CEP57L1: variants seen among roughly 807,000 people sequenced by gnomAD.
CEP57L1 encodes the protein centrosomal protein CEP57L1.
CEP57L1 carries 37 observed loss-of-function variants against 61.0 expected under a neutral mutation model. The ratio of observed to expected loss-of-function variants is 0.61; its 90% CI spans 0.47 to 0.80. The LOEUF is 0.80. Among genes scored for constraint, CEP57L1 ranks in the 30% least tolerant of loss-of-function variants. The pLI, the probability that CEP57L1 is intolerant of heterozygous loss-of-function variation, is 0.00. For synonymous variants in CEP57L1, 137 were observed against 162.3 expected, an observed-to-expected ratio of 0.84 and a Z score of 1.19; for missense variants, 422 against 524.7, an observed-to-expected ratio of 0.80 and a Z score of 1.91.
At chr6:109,162,393 T>C (rs978404427) in intron 10 of CEP57L1, among the ~76,000 whole-genome samples, 1 of 152,072 alleles carries the variant, frequency 6.6e-6, no homozygotes, top group Non-Finnish European at 1.5e-5. Context: ...TTTCCCTCAA[T>C]CTCTGCAGCC....
intron 1 of CEP57L1, among the ~76,000 whole-genome samples, chr6:109,120,538 T>G (rs1457260687): frequency 6.6e-6 from 1 of 152,190 alleles, no homozygotes; most frequent in Non-Finnish European, 1.5e-5. Flanking sequence ...AGAAAAATTT[T>G]ACTTTCATTT....
At chr6:109,106,479 A>C (rs1267063462) in intron 1 of CEP57L1, among the ~76,000 whole-genome samples, 2 of 152,032 alleles carry the variant, frequency 1.3e-5, no homozygotes, top group African/African-American at 2.4e-5. Flanking sequence ...GAAACTCAAT[A>C]CTTTTCATTT....
chr6:109,155,860 A>G lies in CEP57L1; in HGVS notation c.727A>G (p.Lys243Glu). 1 of 1,577,432 alleles carries G rather than the reference A, an allele frequency of 6.3e-7. No individual in the cohort carries two copies. Among genetic ancestry groups the G allele is most frequent in the Non-Finnish European group, 8.7e-7 (1 of 1,152,698 alleles). ...SVSNLKHSKE[K>E]KKSSKKTKCI... is the part of the protein sequence containing the mutation. Reference sequence around the variant, plus strand: ...TTCAAATCTAAAGCACTCCAAGGAAAAGAAGAAATCTTCAAAGGTGTGCAT... The same window carrying G: ...TTCAAATCTAAAGCACTCCAAGGAAGAGAAGAAATCTTCAAAGGTGTGCAT... The change falls in exon 7 of 11, where the codon AAG becomes GAG. Residue 243 changes from lysine to glutamate, a missense_variant. By Grantham distance (56) the Lys-to-Glu change is moderately conservative. Transcript: ENST00000517392.
intron 1 of CEP57L1, among the ~76,000 whole-genome samples, chr6:109,099,133 G>C (rs1254314333): frequency 6.6e-6 from 1 of 152,216 alleles, no homozygotes. Context: ...GAGATGTGGA[G>C]GTGGAGGAGG....
intron 3 of CEP57L1, among the ~76,000 whole-genome samples, chr6:109,147,252 A>G (rs1211911168): frequency 6.6e-6 from 1 of 152,094 alleles, no homozygotes; most frequent in Admixed American, 6.5e-5. Flanking sequence ...GTAATTGAAT[A>G]TTTATTTTTT....
At chr6:109,106,478 T>C (rs1226220411) in intron 1 of CEP57L1, among the ~76,000 whole-genome samples, 1 of 152,224 alleles carries the variant, frequency 6.6e-6, no homozygotes, top group East Asian at 1.9e-4. Context: ...TGAAACTCAA[T>C]ACTTTTCATT....
chr6:109,135,211 CAG>C (rs750177887), intron 1 of CEP57L1, among the ~76,000 whole-genome samples: 1 of 152,152 alleles, frequency 6.6e-6, no homozygotes, highest in Non-Finnish European at 1.5e-5. Context: ...TATACCAAAA[CAG>C]AGATATAGAC....
intron 1 of CEP57L1, among the ~76,000 whole-genome samples, chr6:109,128,265 T>C (rs946934650): frequency 6.6e-6 from 1 of 152,168 alleles, no homozygotes; most frequent in Non-Finnish European, 1.5e-5. Flanking sequence ...TTTTATATTA[T>C]TCCATATTTC....
At chr6:109,120,928 A>T (rs915003610) in intron 1 of CEP57L1, among the ~76,000 whole-genome samples, 1 of 103,510 alleles carries the variant, frequency 9.7e-6, no homozygotes, top group African/African-American at 2.9e-5. Context: ...ACACACACAC[A>T]CACACACACA....
In CEP57L1 at chr6:109,163,006, CA is replaced by C; in HGVS notation, c.*37del. 1 of 1,313,778 alleles carries C rather than the reference CA, an allele frequency of 7.6e-7. No individual in the cohort carries two copies. Among genetic ancestry groups the C allele is most frequent in the Non-Finnish European group, 1.1e-6 (1 of 913,338 alleles). The allele number at this position is 1,313,778 out of a possible 1,614,324, so 81.4% of individuals were successfully genotyped here. ...AAACTGTCACCTTAATGAACTTTGTCAGTGAGACCTTGAATTGTCTAAAGTG... is the reference window on the plus strand; with the variant it reads ...AAACTGTCACCTTAATGAACTTTGTCGTGAGACCTTGAATTGTCTAAAGTG... On this transcript the variant is annotated 3_prime_UTR_variant, in exon 11 of 11. Coordinates refer to ENST00000517392, the MANE Select transcript of CEP57L1 (RefSeq NM_001271852.3).
intron 7 of CEP57L1, chr6:109,157,504 T>C (rs917974093): frequency 1.3e-5 from 2 of 152,124 alleles, no homozygotes; most frequent in Admixed American, 6.5e-5. Context: ...CAAAGGAATA[T>C]GTGAAAGGTA....
intron 10 of CEP57L1, among the ~76,000 whole-genome samples, chr6:109,161,437 C>T (rs1253864555): frequency 6.6e-6 from 1 of 152,058 alleles, no homozygotes; most frequent in African/African-American, 2.4e-5. Context: ...CATCATGTAG[C>T]CATCTGGCTA....
rs1774389947 is a variant in CEP57L1, at chr6:109,171,255, T to TTTTTTTTTA, written c.*8285_*8286insTTTTTTTTA. 5.9e-5 allele frequency among the ~76,000 whole-genome samples: 9 copies of TTTTTTTTTA among 152,036 alleles called. No homozygotes were observed. The highest frequency in any genetic ancestry group is 2.1e-4 in the South Asian group (1 of 4,814). On this transcript the variant is annotated 3_prime_UTR_variant, in exon 11 of 11. Coordinates refer to ENST00000517392, the MANE Select transcript of CEP57L1 (RefSeq NM_001271852.3). ...AAGTAGAGTTTGATTTTTTTTTTTT[T>TTTTTTTTTA]GAGACGGAGTTTCGCTCTTGTTGCC...
intron 3 of CEP57L1, 146 bp from the exon 4 acceptor site, chr6:109,149,972 A>G (rs1453787441): frequency 5.1e-6 from 2 of 395,262 alleles, no homozygotes; most frequent in Non-Finnish European, 9.7e-6. Context: ...TTGATTTTGT[A>G]TCCTGAGACT....
intron 1 of CEP57L1, 111 bp downstream of exon 1, chr6:109,095,686 G>A: frequency 1.5e-6 from 1 of 666,806 alleles, no homozygotes; most frequent in Non-Finnish European, 1.9e-6. Flanking sequence ...CTTAGTCCAA[G>A]GACTTTTTCC....
At chr6:109,111,360 G>T (rs1441753420) in intron 1 of CEP57L1, among the ~76,000 whole-genome samples, 1 of 152,108 alleles carries the variant, frequency 6.6e-6, no homozygotes, top group Non-Finnish European at 1.5e-5. Flanking sequence ...TGTGATTTTT[G>T]TGCATTGATT....
At chr6:109,129,576 T>G (rs1773955660) in intron 1 of CEP57L1, 2 of 454,364 alleles carry the variant, frequency 4.4e-6, no homozygotes. Flanking sequence ...CAACCTGTTC[T>G]CTAGTTTCCA....
At chr6:109,112,977 G>A (rs559150112) in intron 1 of CEP57L1, among the ~76,000 whole-genome samples, 1 of 152,288 alleles carries the variant, frequency 6.6e-6, no homozygotes, top group East Asian at 1.9e-4. Context: ...TGAGAGGAAT[G>A]TATATTCTGT....
intron 1 of CEP57L1, among the ~76,000 whole-genome samples, chr6:109,109,404 TTAATTTAGGGAG>T (rs1771312808): frequency 6.6e-6 from 1 of 152,190 alleles, no homozygotes; most frequent in Non-Finnish European, 1.5e-5. Flanking sequence ...GGAAATTCAT[TTAATTTAGGGAG>T]TAATTTCAAT....
Sources: gnomAD v4.1 joint callset for allele counts (sites outside exome capture counted in the v4.1 genomes callset) on GRCh38, gnomAD v4.1.1 for gene constraint, MANE v1.5 for transcripts, NCBI Gene and HGNC (gene_info 2026-07-23, HGNC 2026-07-21) for gene names.